The following ATRNL1 variants were observed in gnomAD, a reference collection of about 807,000 sequenced individuals.
ATRNL1 encodes the protein attractin-like protein 1.
ATRNL1 carries 95 observed loss-of-function variants against 182.7 expected under a neutral mutation model. That is an observed-to-expected ratio of 0.52 (90% CI 0.44 to 0.62). The LOEUF is 0.62. Among genes scored for constraint, ATRNL1 ranks in the 20% least tolerant of loss-of-function variants. The probability of loss-of-function intolerance (pLI) is 0.00; values close to 1 mark genes in which losing one functional copy is unlikely to be tolerated. For synonymous variants in ATRNL1, 576 were observed against 568.3 expected, an observed-to-expected ratio of 1.01 and a Z score of -0.19; for missense variants, 1,471 against 1,679.5, an observed-to-expected ratio of 0.88 and a Z score of 2.17.
At chr10:115,212,290 G>T (rs1337366297) in intron 8 of ATRNL1, among the ~76,000 whole-genome samples, 1 of 132,868 alleles carries the variant, frequency 7.5e-6, no homozygotes, top group East Asian at 2.0e-4. Context: ...TGTTATTGTA[G>T]TTTTTTTTTA....
intron 9 of ATRNL1, among the ~76,000 whole-genome samples, chr10:115,232,546 T>G (rs1290600805): frequency 1.3e-5 from 2 of 152,196 alleles, no homozygotes; most frequent in African/African-American, 4.8e-5. Flanking sequence ...AAGCAAAACT[T>G]ATTAATTTTA....
At chr10:115,602,623 G>A (rs1251720611) in intron 26 of ATRNL1, among the ~76,000 whole-genome samples, 1 of 152,066 alleles carries the variant, frequency 6.6e-6, no homozygotes, top group Non-Finnish European at 1.5e-5. Context: ...AAACACTTTG[G>A]GAGGCCAAGG....
chr10:115,509,313 A>T (rs1392829576), intron 24 of ATRNL1, among the ~76,000 whole-genome samples: 1 of 152,006 alleles, frequency 6.6e-6, no homozygotes, highest in East Asian at 1.9e-4. Flanking sequence ...TGCTAACACA[A>T]TAACTGATAC....
chr10:115,422,851 A>G (rs1845709216), intron 20 of ATRNL1, among the ~76,000 whole-genome samples: 1 of 152,174 alleles, frequency 6.6e-6, no homozygotes, highest in African/African-American at 2.4e-5. Context: ...GGAACAACAG[A>G]CACCAGAACC....
In ATRNL1 at chr10:115,093,880, C is replaced by T. The variant is rs1554862360; in HGVS notation, c.130C>T (p.Leu44=). 3 of 1,587,806 alleles carry T rather than the reference C, an allele frequency of 1.9e-6. No individual in the cohort carries two copies. The highest frequency in any genetic ancestry group is 1.8e-4 in the Middle Eastern group (1 of 5,408). The part of the protein sequence containing the change: ...SWLLDGNSWL[L]CYGFLYLALY... Reference sequence around the variant, plus strand: ...GCTGCTGGACGGGAACAGCTGGCTGCTGTGCTATGGCTTCCTCTACCTGGC... The same window carrying T: ...GCTGCTGGACGGGAACAGCTGGCTGTTGTGCTATGGCTTCCTCTACCTGGC... The change falls in exon 1 of 29, where the codon CTG becomes TTG. Residue 44 remains leucine (L), a synonymous_variant. Transcript: ENST00000355044. The surrounding 1 kb of genome is among the most constrained non-coding windows in gnomAD (Gnocchi z 6.1).
intron 19 of ATRNL1, among the ~76,000 whole-genome samples, chr10:115,384,174 A>G (rs571683389): frequency 1.2e-4 from 18 of 152,116 alleles, no homozygotes; most frequent in Admixed American, 3.3e-4. Context: ...ACTTTTCTCA[A>G]TTCCCTACCA....
intron 18 of ATRNL1, among the ~76,000 whole-genome samples, chr10:115,316,367 G>T (rs573576020): frequency 6.6e-6 from 1 of 151,968 alleles, no homozygotes; most frequent in African/African-American, 2.4e-5. Context: ...ATTAATGGGC[G>T]CTTGGGTTGG....
intron 25 of ATRNL1, among the ~76,000 whole-genome samples, chr10:115,527,364 G>A (rs782271486): frequency 5.3e-5 from 8 of 151,988 alleles, no homozygotes; most frequent in African/African-American, 1.4e-4. Flanking sequence ...CAAGTGATCC[G>A]CTCACCTCGG....
chr10:115,307,213 T>G (rs1225530587), intron 17 of ATRNL1, among the ~76,000 whole-genome samples: 1 of 152,220 alleles, frequency 6.6e-6, no homozygotes, highest in Non-Finnish European at 1.5e-5. Context: ...TTTGTGCTGA[T>G]AATGTCCAAT....
chr10:115,511,914 G>A (rs1438219030), intron 24 of ATRNL1, among the ~76,000 whole-genome samples: 1 of 151,640 alleles, frequency 6.6e-6, no homozygotes, highest in Non-Finnish European at 1.5e-5. Context: ...TAAACAGATG[G>A]GGAAGATGAG....
At chr10:115,929,301 T>C (rs61064771) in intron 28 of ATRNL1, among the ~76,000 whole-genome samples, 4,622 of 152,188 alleles carry the variant, frequency 0.03, 202 homozygotes, top group African/African-American at 0.1. Flanking sequence ...GCAAGGTTCA[T>C]CAAATTCTGA....
chr10:115,643,284 A>G (rs1555031121), intron 26 of ATRNL1, among the ~76,000 whole-genome samples: 1 of 152,206 alleles, frequency 6.6e-6, no homozygotes, highest in African/African-American at 2.4e-5. Flanking sequence ...GCAAAAAATA[A>G]TAATAACTTT....
chr10:115,498,927 A>G (rs376995166), intron 24 of ATRNL1, among the ~76,000 whole-genome samples: 4 of 152,058 alleles, frequency 2.6e-5, no homozygotes, highest in South Asian at 2.1e-4. Flanking sequence ...GATAAAGTCA[A>G]TTTAGTGCAT....
chr10:115,434,836 C>T (rs1846325917), intron 21 of ATRNL1, among the ~76,000 whole-genome samples: 1 of 152,076 alleles, frequency 6.6e-6, no homozygotes, highest in Non-Finnish European at 1.5e-5. Flanking sequence ...TCCAAACAAA[C>T]TGTAACTCTA....
chr10:115,159,944 C>A, intron 5 of ATRNL1, 96 bp from the exon 6 acceptor site: 1 of 862,746 alleles, frequency 1.2e-6, no homozygotes, highest in Non-Finnish European at 1.7e-6. Flanking sequence ...ATATGATAAA[C>A]ATTGAATTCT....
chr10:115,403,637 G>A (rs1332378059), intron 20 of ATRNL1, among the ~76,000 whole-genome samples: 1 of 151,972 alleles, frequency 6.6e-6, no homozygotes, highest in Non-Finnish European at 1.5e-5. Context: ...GTATTTTTAT[G>A]AGAGATGGGG....
At chr10:115,688,107 T>C (rs1206219274) in intron 26 of ATRNL1, among the ~76,000 whole-genome samples, 1 of 152,126 alleles carries the variant, frequency 6.6e-6, no homozygotes, top group Non-Finnish European at 1.5e-5. Flanking sequence ...TAACATAATG[T>C]CCTCCAGTTC....
intron 9 of ATRNL1, among the ~76,000 whole-genome samples, chr10:115,227,831 A>G (rs980301079): frequency 2.6e-5 from 4 of 152,160 alleles, no homozygotes; most frequent in African/African-American, 9.6e-5. Context: ...AAAATAAAAT[A>G]AATCAGACAT....
chr10:115,615,768 C>T (rs1407722962), intron 26 of ATRNL1, among the ~76,000 whole-genome samples: 2 of 152,142 alleles, frequency 1.3e-5, no homozygotes, highest in Non-Finnish European at 2.9e-5. Context: ...CAGCTTTTGC[C>T]ATGATTGTAG....
Sources: allele counts gnomAD v4.1 joint callset (sites outside exome capture counted in the v4.1 genomes callset), GRCh38; gene constraint gnomAD v4.1.1; non-coding constraint Gnocchi (gnomAD v3.1); transcripts MANE v1.5; gene names NCBI Gene and HGNC (gene_info 2026-07-23, HGNC 2026-07-21).